The following TNIK variants were observed in gnomAD, a reference collection of about 807,000 sequenced individuals.
TNIK encodes TRAF2 and NCK-interacting protein kinase.
Under a neutral mutation model 191.3 loss-of-function variants are expected in TNIK, and 49 were observed. That is an observed-to-expected ratio of 0.26 (90% confidence interval 0.20 to 0.32). TNIK has a LOEUF of 0.32. Among genes scored for constraint, TNIK ranks in the 10% least tolerant of loss-of-function variants. The pLI is 1.00. For synonymous variants in TNIK, 594 were observed against 600.9 expected (o/e 0.99, Z 0.17); for missense variants, 1,155 against 1,702.3 (o/e 0.68, Z 5.66).
intron 2 of TNIK, among the ~76,000 whole-genome samples, chr3:171,345,120 T>A (rs1711954052): frequency 6.6e-6 from 1 of 152,202 alleles, no homozygotes; most frequent in African/African-American, 2.4e-5. Flanking sequence ...ATTGTATACT[T>A]GTTCTTCAAC....
At chr3:171,223,600 A>C (rs1012386757) in intron 3 of TNIK, among the ~76,000 whole-genome samples, 1 of 152,218 alleles carries the variant, frequency 6.6e-6, no homozygotes, top group Admixed American at 6.5e-5. Context: ...GCCATGTTAC[A>C]TTGAGCAAGA....
intron 2 of TNIK, among the ~76,000 whole-genome samples, chr3:171,330,843 C>T (rs1037147073): frequency 8.5e-5 from 13 of 152,234 alleles, no homozygotes; most frequent in Middle Eastern, 3.4e-3. Context: ...TCTTACCCTA[C>T]GACCCCGAAT....
In TNIK at chr3:171,060,201, T is replaced by C. The variant is rs1442047544; in HGVS notation, c.*3680A>G. ...ACATAGTAGTAGGGAAAGCATTTTT[T>C]TAAAAGCTTCGTGGAATGTGAGACT... On this transcript the variant is annotated 3_prime_UTR_variant, in exon 33 of 33. Transcript: ENST00000436636. 1.3e-5 allele frequency among the ~76,000 whole-genome samples: 2 copies of C among 151,666 alleles called. No individual in the cohort carries two copies. Among genetic ancestry groups the C allele is most frequent in the Admixed American group, 6.6e-5 (1 of 15,224 alleles).
chr3:171,277,509 A>C (rs1471761486), intron 2 of TNIK, among the ~76,000 whole-genome samples: 1 of 152,196 alleles, frequency 6.6e-6, no homozygotes, highest in East Asian at 1.9e-4. Flanking sequence ...TTAAAAAAAA[A>C]ACAAATTTCA....
chr3:171,342,554 A>G (rs544928123), intron 2 of TNIK, among the ~76,000 whole-genome samples: 6 of 152,332 alleles, frequency 3.9e-5, no homozygotes, highest in South Asian at 4.1e-4. Context: ...GCAAAGGGGC[A>G]CAGCAGACAA....
chr3:171,244,214 G>A (rs1745331007), intron 2 of TNIK, among the ~76,000 whole-genome samples: 1 of 151,834 alleles, frequency 6.6e-6, no homozygotes, highest in Non-Finnish European at 1.5e-5. Flanking sequence ...ACAGGCGCCC[G>A]CCACCACGCC....
chr3:171,185,178 CGTGTGTGTGTGTGTGTGT>C (rs148499254), intron 7 of TNIK, among the ~76,000 whole-genome samples: 1 of 145,872 alleles, frequency 6.9e-6, no homozygotes, highest in Non-Finnish European at 1.5e-5. Context: ...ATAGATTTCC[CGTGTGTGTGTGTGTGTGT>C]GTGTGTGTGT....
At chr3:171,077,314 T>TTTTGTA (rs1720095026) in intron 28 of TNIK, among the ~76,000 whole-genome samples, 1 of 152,206 alleles carries the variant, frequency 6.6e-6, no homozygotes, top group Non-Finnish European at 1.5e-5. Flanking sequence ...ATTCTGGGTA[T>TTTTGTA]TTTCGTCATC....
rs192292547 is a variant in TNIK, at chr3:171,223,202, T to C, written c.180+4963A>G. Among the ~76,000 whole-genome samples, 430 of 152,264 alleles carry C rather than the reference T, an allele frequency of 2.8e-3. 2 individuals carry two copies. Among genetic ancestry groups the C allele is most frequent in the African/African-American group, 9.9e-3 (412 of 41,560 alleles). On this transcript the variant is annotated intron_variant, in intron 3 of 32. Transcript: ENST00000436636. ...CAGCCTCATGCCTTGGCACCGGCTG[T>C]ATTCTTGGCTGGAATGTCCTCACCT...
chr3:171,405,991 C>T (rs1311367482), intron 1 of TNIK, among the ~76,000 whole-genome samples: 4 of 152,022 alleles, frequency 2.6e-5, no homozygotes, highest in East Asian at 1.9e-4. Flanking sequence ...ATGGAAAGGG[C>T]GGGAGGAGAT....
chr3:171,200,235 A>G lies in TNIK; in HGVS notation c.307-5600T>C, dbSNP rs1739237676. On this transcript the variant is annotated intron_variant, in intron 4 of 32. Transcript: ENST00000436636. ...ATAACTGGGTCAGAAACTTAAATAA[A>G]CATGCATACCACTTGAGAAGAAAGA... Among the ~76,000 whole-genome samples the G allele has an allele frequency of 5.4e-5, 8 of 148,052 alleles. No homozygotes were observed. In the South Asian group the frequency reaches 1.8e-3, roughly 33 times the overall value.
At chr3:171,364,887 T>G (rs115281260) in intron 2 of TNIK, among the ~76,000 whole-genome samples, 1 of 152,054 alleles carries the variant, frequency 6.6e-6, no homozygotes, top group Non-Finnish European at 1.5e-5. Flanking sequence ...TTAAAGACCC[T>G]GAAGTGAGAA....
In TNIK at chr3:171,101,536, T is replaced by C. The variant is rs1210637985; in HGVS notation, c.2504A>G (p.Glu835Gly). The C allele has an allele frequency of 6.2e-7, 1 of 1,613,476 alleles. No homozygotes were observed. Among genetic ancestry groups the C allele is most frequent in the African/African-American group, 1.3e-5 (1 of 74,886 alleles). ...KVTDYSSSSE[E>G]SESSEEEEED... ...CTCCTCTTCCTCGCTACTTTCTGAC[T>C]CCTCACTGGAGGAGGAGTAATCAGT... The change falls in exon 22 of 33, where the codon GAG (glutamate) becomes GGG (glycine). Residue 835 changes from glutamate (E) to glycine (G), a missense_variant. Glu to Gly is a moderately conservative substitution (Grantham distance 98). Coordinates refer to ENST00000436636, the MANE Select transcript of TNIK (RefSeq NM_015028.4).
intron 15 of TNIK, among the ~76,000 whole-genome samples, chr3:171,135,071 G>A (rs1408020971): frequency 6.6e-6 from 1 of 152,150 alleles, no homozygotes; most frequent in African/African-American, 2.4e-5. Context: ...ACGGTGGCAT[G>A]GGCACAGAGG....
chr3:171,211,706 T>C (rs1339120413), intron 3 of TNIK, among the ~76,000 whole-genome samples: 1 of 152,178 alleles, frequency 6.6e-6, no homozygotes, highest in Admixed American at 6.5e-5. Flanking sequence ...TTGAAGTACC[T>C]GACTGAAGAT....
chr3:171,417,303 A>T (rs1723212119), intron 1 of TNIK, among the ~76,000 whole-genome samples: 1 of 152,184 alleles, frequency 6.6e-6, no homozygotes, highest in Non-Finnish European at 1.5e-5. Context: ...CTGAGATGCC[A>T]TTAAGAGCAT....
At chr3:171,337,100 C>T (rs1757031106) in intron 2 of TNIK, among the ~76,000 whole-genome samples, 1 of 152,196 alleles carries the variant, frequency 6.6e-6, no homozygotes, top group South Asian at 2.1e-4. Context: ...TTTGTGCCAA[C>T]CAAACATGAA....
At chr3:171,332,550 G>A (rs199906415) in intron 2 of TNIK, among the ~76,000 whole-genome samples, 34 of 152,282 alleles carry the variant, frequency 2.2e-4, no homozygotes, top group African/African-American at 7.9e-4. Flanking sequence ...CACTTCCTGG[G>A]AAGAACCTCA....
At chr3:171,343,842 T>C (rs763970169) in intron 2 of TNIK, among the ~76,000 whole-genome samples, 36 of 152,160 alleles carry the variant, frequency 2.4e-4, no homozygotes, top group Non-Finnish European at 4.6e-4. Context: ...GTTTGGTGGT[T>C]TACCCAAAAG....
Sources: allele counts gnomAD v4.1 joint callset (sites outside exome capture counted in the v4.1 genomes callset), GRCh38; gene constraint gnomAD v4.1.1; transcripts MANE v1.5; gene names NCBI Gene and HGNC (gene_info 2026-07-23, HGNC 2026-07-21).